Variants in CFAP221 observed in about 807,000 individuals in gnomAD.
CFAP221 encodes the protein cilia- and flagella-associated protein 221.
A neutral mutation model predicts 113.1 loss-of-function variants in CFAP221; 97 were observed. That is an observed-to-expected ratio of 0.86 (90% CI 0.73 to 1.02). The LOEUF (loss-of-function observed/expected upper bound fraction) is 1.02, where lower values mean the gene tolerates loss of function less well. CFAP221 is among the 50% of genes least tolerant of loss of function. CFAP221 has a pLI of 0.00. For missense variants in CFAP221, 1,025 were observed against 1,013.4 expected (o/e 1.01, Z -0.16); for synonymous variants, 331 against 354.4 (o/e 0.93, Z 0.74).
At chr2:119,596,042 G>A (rs1683943921) in intron 7 of CFAP221, among the ~76,000 whole-genome samples, 1 of 152,110 alleles carries the variant, frequency 6.6e-6, no homozygotes, top group Non-Finnish European at 1.5e-5. Flanking sequence ...GGTTCGAGGA[G>A]GGTGGGTATT....
chr2:119,576,382 G>C (rs541665908), intron 6 of CFAP221, among the ~76,000 whole-genome samples: 2 of 152,192 alleles, frequency 1.3e-5, no homozygotes, highest in African/African-American at 4.8e-5. Context: ...AGGCCCCAGG[G>C]TGTGTTGTTC....
At chr2:119,569,343 C>T (rs749372201) in intron 6 of CFAP221, among the ~76,000 whole-genome samples, 29 of 152,066 alleles carry the variant, frequency 1.9e-4, no homozygotes, top group Non-Finnish European at 3.4e-4. Flanking sequence ...TGGCCTTGAT[C>T]TCCTGACCTT....
In CFAP221 at chr2:119,609,185, C is replaced by T. The variant is rs376579163; in HGVS notation, c.1221+596C>T. 2.2e-4 allele frequency among the ~76,000 whole-genome samples: 34 copies of T among 152,282 alleles called. 1 individual carries two copies. In the South Asian group the frequency reaches 7.0e-3, roughly 32 times the overall value. The stretch of plus-strand genomic sequence containing the variant: ...ACCATGCTTTGAAGATGGTTGTTAC[C>T]TACACACAGGTGCAGAGAACACTGA... On this transcript the variant is annotated intron_variant, in intron 12 of 23. Transcript: ENST00000413369.
chr2:119,597,312 G>C (rs1244154228), intron 7 of CFAP221, among the ~76,000 whole-genome samples: 1 of 152,164 alleles, frequency 6.6e-6, no homozygotes, highest in Non-Finnish European at 1.5e-5. Flanking sequence ...GTGGTCCTGG[G>C]GCCTCTCTGT....
At position 119,557,623 on chromosome 2, in the gene CFAP221, A is replaced by G. The variant is rs115687901; in HGVS notation, c.241-2066A>G. Among the ~76,000 whole-genome samples, 566 of 152,280 alleles carry G rather than the reference A, an allele frequency of 3.7e-3. 8 individuals carry two copies. The highest frequency in any genetic ancestry group is 0.013 in the African/African-American group (543 of 41,560). On this transcript the variant is annotated intron_variant, in intron 3 of 23. Transcript: ENST00000413369. ...CTGCTACTATAGAAGACTCTCCAGA[A>G]TGGATTTAGGTGGCATAATTGAAAC...
intron 6 of CFAP221, among the ~76,000 whole-genome samples, chr2:119,563,656 A>G (rs1681419448): frequency 1.3e-5 from 2 of 152,266 alleles, no homozygotes; most frequent in South Asian, 4.1e-4. Context: ...ATTCACTCTG[A>G]TTGATTGCTG....
At chr2:119,569,857 A>G (rs991583955) in intron 6 of CFAP221, among the ~76,000 whole-genome samples, 3 of 152,162 alleles carry the variant, frequency 2.0e-5, no homozygotes, top group Non-Finnish European at 4.4e-5. Context: ...GTTCTTCTTT[A>G]GGATTTCCAT....
At chr2:119,572,677 A>G (rs1304028570) in intron 6 of CFAP221, 1 of 637,454 alleles carries the variant, frequency 1.6e-6, no homozygotes, top group Non-Finnish European at 2.9e-6. Context: ...CGTGCTCTAG[A>G]CAAACCTGCC....
At chr2:119,649,999 A>G (rs1326849376) in intron 22 of CFAP221, among the ~76,000 whole-genome samples, 1 of 152,256 alleles carries the variant, frequency 6.6e-6, no homozygotes, top group Non-Finnish European at 1.5e-5. Flanking sequence ...AGAAATTCTG[A>G]TAACTCAAGC....
chr2:119,546,064 C>G, intron 1 of CFAP221, 21 bp from the exon 2 acceptor site: 1 of 1,440,714 alleles, frequency 6.9e-7, no homozygotes, highest in South Asian at 1.4e-5. Flanking sequence ...GATGATTATA[C>G]TGCTGCTCTT....
intron 4 of CFAP221, 72 bp downstream of exon 4, chr2:119,559,847 G>A: frequency 6.8e-7 from 1 of 1,472,046 alleles, no homozygotes; most frequent in Non-Finnish European, 9.2e-7. Flanking sequence ...GGGGTGGGGG[G>A]TGTGTGGTGT....
intron 20 of CFAP221, 42 bp from the exon 21 acceptor site, chr2:119,639,739 C>T (rs1687362967): frequency 1.3e-6 from 2 of 1,506,782 alleles, no homozygotes; most frequent in Non-Finnish European, 1.8e-6. Context: ...GAAACTTTAC[C>T]TCACCAAACA....
chr2:119,602,509 C>A, intron 8 of CFAP221: 1 of 555,184 alleles, frequency 1.8e-6, no homozygotes, highest in Non-Finnish European at 2.3e-6. Context: ...CACATATTCA[C>A]ATCATTAAGC....
At chr2:119,630,134 T>C (rs1391832722) in intron 17 of CFAP221, among the ~76,000 whole-genome samples, 179 bp downstream of exon 17, 2 of 152,240 alleles carry the variant, frequency 1.3e-5, no homozygotes, top group African/African-American at 4.8e-5. Context: ...ATAGTGTGGC[T>C]TAGGCAAACC....
intron 6 of CFAP221, among the ~76,000 whole-genome samples, chr2:119,570,198 G>C (rs865913387): frequency 2.0e-5 from 3 of 152,300 alleles, no homozygotes; most frequent in Middle Eastern, 3.4e-3. Context: ...CCTCTGGACT[G>C]TGAACTTCAC....
At chr2:119,602,125 A>G (rs1226978761) in intron 8 of CFAP221, among the ~76,000 whole-genome samples, 1 of 152,184 alleles carries the variant, frequency 6.6e-6, no homozygotes, top group African/African-American at 2.4e-5. Context: ...CGCGCCTATA[A>G]TCCCAGCACT....
chr2:119,587,429 G>A (rs987236191), intron 7 of CFAP221, among the ~76,000 whole-genome samples: 3 of 152,108 alleles, frequency 2.0e-5, no homozygotes, highest in Non-Finnish European at 2.9e-5. Context: ...TTCCATGATC[G>A]AAACTTGAAA....
intron 3 of CFAP221, among the ~76,000 whole-genome samples, chr2:119,549,456 A>G (rs550210204): frequency 6.6e-6 from 1 of 152,318 alleles, no homozygotes; most frequent in South Asian, 2.1e-4. Context: ...GTGCTTCATG[A>G]TTTACATGAT....
intron 12 of CFAP221, among the ~76,000 whole-genome samples, chr2:119,609,754 T>C (rs1462961439): frequency 6.6e-6 from 1 of 152,208 alleles, no homozygotes; most frequent in Non-Finnish European, 1.5e-5. Context: ...AGCTGGGTAA[T>C]GTGAGGTTCA....
Sources: gnomAD v4.1 joint callset for allele counts (sites outside exome capture counted in the v4.1 genomes callset) on GRCh38, gnomAD v4.1.1 for gene constraint, MANE v1.5 for transcripts, NCBI Gene and HGNC (gene_info 2026-07-23, HGNC 2026-07-21) for gene names.